CTNNBL1: variants seen among roughly 807,000 people sequenced by gnomAD.
The protein encoded by CTNNBL1 is beta-catenin-like protein 1.
Under a neutral mutation model 72.7 loss-of-function variants are expected in CTNNBL1, and 31 were observed. That is an observed-to-expected ratio of 0.43 (90% confidence interval 0.32 to 0.58). CTNNBL1 has a LOEUF of 0.58. CTNNBL1 is among the 20% of genes least tolerant of loss of function. The pLI is 0.08. For synonymous variants in CTNNBL1, 240 were observed against 267.3 expected (o/e 0.90, Z 1.00); for missense variants, 534 against 725.1 (o/e 0.74, Z 3.03).
At chr20:37,796,405 C>A (rs1321887241) in intron 10 of CTNNBL1, among the ~76,000 whole-genome samples, 1 of 152,000 alleles carries the variant, frequency 6.6e-6, no homozygotes, top group East Asian at 1.9e-4. Flanking sequence ...CATGTGTTAC[C>A]CTCCTGATGT....
At chr20:37,747,810 C>T (rs1190686665) in intron 4 of CTNNBL1, among the ~76,000 whole-genome samples, 1 of 152,050 alleles carries the variant, frequency 6.6e-6, no homozygotes, top group Non-Finnish European at 1.5e-5. Context: ...AATCTCCTGG[C>T]CTCAAGTGAT....
At chr20:37,715,953 A>G (rs2072982821) in intron 1 of CTNNBL1, among the ~76,000 whole-genome samples, 1 of 152,196 alleles carries the variant, frequency 6.6e-6, no homozygotes, top group Non-Finnish European at 1.5e-5. Context: ...ATCAGAAAGT[A>G]AAGCTATAGT....
At chr20:37,761,432 T>C (rs2073416672) in intron 5 of CTNNBL1, among the ~76,000 whole-genome samples, 1 of 152,234 alleles carries the variant, frequency 6.6e-6, no homozygotes, top group Non-Finnish European at 1.5e-5. Flanking sequence ...CAGGTGAGGC[T>C]GAGGTTGGCC....
chr20:37,802,380 T>C (rs959949048), intron 10 of CTNNBL1, among the ~76,000 whole-genome samples: 12 of 152,206 alleles, frequency 7.9e-5, no homozygotes, highest in African/African-American at 2.7e-4. Flanking sequence ...GTTAAGAGTA[T>C]GTAGTTTCTT....
chr20:37,799,559 T>C (rs1431312808), intron 10 of CTNNBL1, among the ~76,000 whole-genome samples: 1 of 152,210 alleles, frequency 6.6e-6, no homozygotes, highest in Non-Finnish European at 1.5e-5. Flanking sequence ...ACACCTTCAC[T>C]GACTTCTCCC....
chr20:37,756,804 A>ATTT (rs1202384708), intron 4 of CTNNBL1, among the ~76,000 whole-genome samples: 6 of 142,810 alleles, frequency 4.2e-5, no homozygotes, highest in African/African-American at 1.3e-4. Flanking sequence ...TGCCTGGCTG[A>ATTT]TTTTTTTTTT....
chr20:37,835,145 G>A lies in CTNNBL1; in HGVS notation c.1214-4957G>A, dbSNP rs867207320. ...AGTGGCCAGTAAACATAGTGTGATG[G>A]TTAATTTTATGTTAAGTTGACTGGG... is the stretch of plus-strand genomic sequence containing the variant. On this transcript the variant is annotated intron_variant, in intron 11 of 15. Transcript: ENST00000361383. 6.6e-5 allele frequency among the ~76,000 whole-genome samples: 10 copies of A among 152,316 alleles called. 1 individual carries two copies. Among genetic ancestry groups the A allele is most frequent in the Middle Eastern group, 6.8e-3 (2 of 294 alleles).
chr20:37,734,628 G>A (rs984546130), intron 2 of CTNNBL1, among the ~76,000 whole-genome samples: 1 of 152,214 alleles, frequency 6.6e-6, no homozygotes, highest in Non-Finnish European at 1.5e-5. Context: ...AAGGCTACAA[G>A]TCCAGGAGTT....
intron 8 of CTNNBL1, 66 bp downstream of exon 8, chr20:37,777,483 A>G: frequency 6.5e-7 from 1 of 1,531,944 alleles, no homozygotes; most frequent in Non-Finnish European, 9.0e-7. Flanking sequence ...AGATCATGAC[A>G]GCAAGCTCTC....
intron 9 of CTNNBL1, among the ~76,000 whole-genome samples, chr20:37,778,179 G>A (rs2122689688): frequency 6.6e-6 from 1 of 152,278 alleles, no homozygotes; most frequent in South Asian, 2.1e-4. Context: ...TGGTGCTGAA[G>A]GCTGGAGTGA....
Position 37,694,089 on chromosome 20 carries a change from G to T in CTNNBL1, c.-34G>T. ...ACGGGCCCGCGGTCTGGGCGTGAGT[G>T]CAGGGAAGTGGAGTATTTGCTGGGC... is the stretch of plus-strand genomic sequence containing the variant. On this transcript the variant is annotated 5_prime_UTR_variant, in exon 1 of 16. Coordinates refer to ENST00000361383, the MANE Select transcript of CTNNBL1 (RefSeq NM_030877.5). 3 of 1,601,602 alleles carry T rather than the reference G, an allele frequency of 1.9e-6. No individual in the cohort carries two copies. Among genetic ancestry groups the T allele is most frequent in the Non-Finnish European group, 2.6e-6 (3 of 1,175,072 alleles).
At chr20:37,697,260 A>C (rs182206727) in intron 1 of CTNNBL1, among the ~76,000 whole-genome samples, 25 of 152,146 alleles carry the variant, frequency 1.6e-4, no homozygotes, top group Admixed American at 7.2e-4. Flanking sequence ...ATTGGACAAC[A>C]CTCCTGTCGA....
At position 37,777,836 on chromosome 20, in the gene CTNNBL1, G is replaced by C. The variant is rs1250829921; in HGVS notation, c.882+124G>C. On this transcript the variant is annotated intron_variant, in intron 9 of 15. Coordinates refer to ENST00000361383, the MANE Select transcript of CTNNBL1 (RefSeq NM_030877.5). ...GCAAGCCATATGGAGCATGTTGGCA[G>C]GTTTGAGGGTTATACGGAGGGACAT... The C allele has an allele frequency of 2.2e-5, 21 of 960,090 alleles. No individual in the cohort carries two copies. The Admixed American group carries it at 3.7e-4, about 17-fold the overall frequency. 59.5% of individuals were successfully genotyped at this position (960,090 alleles called of 1,614,324 possible).
intron 11 of CTNNBL1, among the ~76,000 whole-genome samples, chr20:37,826,856 C>T (rs753044574): frequency 7.2e-5 from 11 of 152,174 alleles, no homozygotes; most frequent in South Asian, 2.1e-4. Flanking sequence ...AACTGAGTGT[C>T]GTATGTATAA....
At chr20:37,727,159 TA>T (rs34454965) in intron 1 of CTNNBL1, 29 of 158,482 alleles carry the variant, frequency 1.8e-4, no homozygotes, top group Non-Finnish European at 2.7e-4. Context: ...GCTTTTTAAT[TA>T]AAAAAAAAGA....
At chr20:37,816,806 T>A (rs1038353575) in intron 11 of CTNNBL1, among the ~76,000 whole-genome samples, 1 of 151,776 alleles carries the variant, frequency 6.6e-6, no homozygotes, top group African/African-American at 2.4e-5. Context: ...AAAAAAAGCC[T>A]ACAACTTTCT....
intron 1 of CTNNBL1, among the ~76,000 whole-genome samples, chr20:37,721,064 A>G (rs1220138884): frequency 6.6e-6 from 1 of 152,176 alleles, no homozygotes; most frequent in African/African-American, 2.4e-5. Flanking sequence ...GTGATCTGCC[A>G]TTTTTTGTAG....
intron 10 of CTNNBL1, among the ~76,000 whole-genome samples, chr20:37,788,461 C>G (rs1433476096): frequency 6.6e-6 from 1 of 152,232 alleles, no homozygotes; most frequent in Non-Finnish European, 1.5e-5. Context: ...GCCGAGAACT[C>G]AGTCTCTTGC....
chr20:37,697,068 A>G (rs1006996405), intron 1 of CTNNBL1, among the ~76,000 whole-genome samples: 1 of 152,002 alleles, frequency 6.6e-6, no homozygotes, highest in Non-Finnish European at 1.5e-5. Context: ...CTGTAATCCC[A>G]GCTACTTGGG....
Sources: allele counts gnomAD v4.1 joint callset (sites outside exome capture counted in the v4.1 genomes callset), GRCh38; gene constraint gnomAD v4.1.1; transcripts MANE v1.5; gene names NCBI Gene and HGNC (gene_info 2026-07-23, HGNC 2026-07-21).